The following TBL1X variants were observed in gnomAD, a reference collection of about 807,000 sequenced individuals.
TBL1X encodes F-box-like/WD repeat-containing protein TBL1X.
Under a neutral mutation model 50.7 loss-of-function variants are expected in TBL1X, and 10 were observed. That is an observed-to-expected ratio of 0.20 (90% confidence interval 0.12 to 0.33). The LOEUF (loss-of-function observed/expected upper bound fraction) is 0.33, where lower values mean the gene tolerates loss of function less well. TBL1X is among the 10% of genes least tolerant of loss of function. TBL1X has a pLI of 1.00. For synonymous variants in TBL1X, 190 were observed against 214.7 expected (o/e 0.88, Z 1.01); for missense variants, 340 against 504.4 (o/e 0.67, Z 3.12).
At chrX:9,490,681 G>A (rs1261109250) in intron 1 of TBL1X, among the ~76,000 whole-genome samples, 2 of 112,155 alleles carry the variant, frequency 1.8e-5, no homozygotes, top group East Asian at 2.8e-4. Context: ...TTGATATCTC[G>A]CAGATAGTTG....
intron 2 of TBL1X, among the ~76,000 whole-genome samples, chrX:9,531,598 C>T (rs905909616): frequency 9.9e-5 from 11 of 110,583 alleles, no homozygotes; most frequent in African/African-American, 2.6e-4. Context: ...AAAGCATCTC[C>T]GCTTATTTAA....
chrX:9,517,497 A>G lies in TBL1X; in HGVS notation c.-131+15648A>G, dbSNP rs779138910. Among the ~76,000 whole-genome samples the G allele has an allele frequency of 8.0e-5, 9 of 111,838 alleles. No homozygotes were observed. The East Asian group carries it at 2.5e-3, about 32-fold the overall frequency. On this transcript the variant is annotated intron_variant, in intron 2 of 17. Transcript: ENST00000645353. ...GTGCCCTAGGTGCATTCAAGCCAGC[A>G]TAGCAAATCCACATCACTAGAAAGA...
chrX:9,527,053 G>A lies in TBL1X; in HGVS notation c.-131+25204G>A, dbSNP rs771755597. On this transcript the variant is annotated intron_variant, in intron 2 of 17. Transcript: ENST00000645353. ...GGGATTTGAGATGAGCCAGGCGTGG[G>A]CAGGGAGATCGCACAGGGGAAAGGA... Among the ~76,000 whole-genome samples the A allele has an allele frequency of 8.9e-5, 10 of 112,294 alleles. No homozygotes were observed. The South Asian group carries it at 3.7e-3, about 41-fold the overall frequency.
chrX:9,663,465 G>T (rs2082910134), intron 5 of TBL1X, among the ~76,000 whole-genome samples: 1 of 111,781 alleles, frequency 8.9e-6, no homozygotes, highest in Non-Finnish European at 1.9e-5. Flanking sequence ...CACGTCAGAA[G>T]ATTGCAGACT....
intron 5 of TBL1X, among the ~76,000 whole-genome samples, chrX:9,672,864 G>A (rs1822398153): frequency 8.9e-6 from 1 of 112,384 alleles, no homozygotes; most frequent in African/African-American, 3.2e-5. Context: ...TAGTCCATTC[G>A]AGCTGCTATG....
intron 2 of TBL1X, among the ~76,000 whole-genome samples, chrX:9,632,786 T>C (rs1200796050): frequency 8.9e-6 from 1 of 112,165 alleles, no homozygotes; most frequent in African/African-American, 3.2e-5. Flanking sequence ...GTAGAGGGTA[T>C]GCAAACACGG....
chrX:9,597,651 A>G (rs2082533055), intron 2 of TBL1X, among the ~76,000 whole-genome samples: 1 of 112,052 alleles, frequency 8.9e-6, no homozygotes, highest in Admixed American at 9.5e-5. Flanking sequence ...AATGCCCCGA[A>G]TTTATGGGAA....
intron 2 of TBL1X, among the ~76,000 whole-genome samples, chrX:9,528,126 T>C (rs1257292677): frequency 9.0e-6 from 1 of 110,909 alleles, no homozygotes; most frequent in African/African-American, 3.3e-5. Context: ...CTGGTCCCCA[T>C]GAAACAGTAA....
intron 2 of TBL1X, among the ~76,000 whole-genome samples, chrX:9,550,294 A>G (rs1978575495): frequency 8.9e-6 from 1 of 112,125 alleles, no homozygotes; most frequent in African/African-American, 3.2e-5. Flanking sequence ...TAAGAGCTTT[A>G]GTGTAGCCTC....
intron 2 of TBL1X, among the ~76,000 whole-genome samples, chrX:9,573,190 AAATTTT>A (rs1179757648): frequency 8.9e-6 from 1 of 112,911 alleles, no homozygotes; most frequent in African/African-American, 3.2e-5. Flanking sequence ...TTTATGATTC[AAATTTT>A]AACTTATAGT....
chrX:9,474,807 G>A (rs1352350600), intron 1 of TBL1X, among the ~76,000 whole-genome samples: 3 of 112,907 alleles, frequency 2.7e-5, no homozygotes, highest in African/African-American at 9.6e-5. Flanking sequence ...AGACATCAAC[G>A]TGAGATTGTA....
chrX:9,478,003 A>G (rs748165743), intron 1 of TBL1X, among the ~76,000 whole-genome samples: 1 of 111,705 alleles, frequency 9.0e-6, no homozygotes, highest in Non-Finnish European at 1.9e-5. Context: ...CTTCATCCCC[A>G]GGAGAGGAAG....
chrX:9,702,294 G>T (rs1245251694), intron 12 of TBL1X, among the ~76,000 whole-genome samples: 1 of 108,893 alleles, frequency 9.2e-6, no homozygotes, highest in Non-Finnish European at 1.9e-5. Context: ...TTGAAAAAAT[G>T]AGCCAGGCTT....
chrX:9,620,170 T>G (rs2146567534), intron 2 of TBL1X, among the ~76,000 whole-genome samples: 1 of 112,302 alleles, frequency 8.9e-6, no homozygotes, highest in Non-Finnish European at 1.9e-5. Flanking sequence ...ACTTTACGGT[T>G]GATGTTCATG....
intron 2 of TBL1X, among the ~76,000 whole-genome samples, chrX:9,618,750 G>A (rs2082651871): frequency 8.9e-6 from 1 of 112,235 alleles, no homozygotes; most frequent in Non-Finnish European, 1.9e-5. Context: ...TTATCACTTC[G>A]TAGATGTATC....
At chrX:9,529,260 G>A (rs1453312068) in intron 2 of TBL1X, among the ~76,000 whole-genome samples, 1 of 110,724 alleles carries the variant, frequency 9.0e-6, no homozygotes, top group African/African-American at 3.3e-5. Flanking sequence ...GGCAGACTTG[G>A]GTGGGTTGCA....
intron 2 of TBL1X, among the ~76,000 whole-genome samples, chrX:9,639,119 T>TTTGTTTTC (rs1376394386): frequency 9.0e-6 from 1 of 111,333 alleles, no homozygotes; most frequent in Non-Finnish European, 1.9e-5. Flanking sequence ...GTTTTCAATG[T>TTTGTTTTC]ACTGTAATGC....
chrX:9,572,268 G>A (rs2082389955), intron 2 of TBL1X, among the ~76,000 whole-genome samples: 1 of 112,619 alleles, frequency 8.9e-6, no homozygotes, highest in Non-Finnish European at 1.9e-5. Flanking sequence ...AAGTCCACAT[G>A]TTAACCCTGT....
At chrX:9,541,482 G>A (rs1297776697) in intron 2 of TBL1X, among the ~76,000 whole-genome samples, 3 of 112,448 alleles carry the variant, frequency 2.7e-5, no homozygotes, top group African/African-American at 9.7e-5. Context: ...GAGGCTTGTC[G>A]TGCAGGAGCA....
Sources: allele counts gnomAD v4.1 joint callset (sites outside exome capture counted in the v4.1 genomes callset), GRCh38; gene constraint gnomAD v4.1.1; transcripts MANE v1.5; gene names NCBI Gene and HGNC (gene_info 2026-07-23, HGNC 2026-07-21).